MDFIC2: variants seen among roughly 807,000 people sequenced by gnomAD.
The protein encoded by MDFIC2 is MyoD family inhibitor domain containing 2, also known as myoD family inhibitor domain-containing protein 2.
chr3:70,213,203 G>A (rs1449993416), intron 2 of MDFIC2, among the ~76,000 whole-genome samples: 2 of 151,996 alleles, frequency 1.3e-5, no homozygotes, highest in South Asian at 2.1e-4. Context: ...GAGCTCCTGG[G>A]CTCAAGTGAT....
rs994841427 is a variant in MDFIC2 at position 70,216,474 on chromosome 3, G to A, written c.89-9684C>T. Among the ~76,000 whole-genome samples, 8 of 152,058 alleles carry A rather than the reference G, an allele frequency of 5.3e-5. No homozygotes were observed. The East Asian group carries it at 5.8e-4, about 11-fold the overall frequency. On this transcript the variant is annotated intron_variant, in intron 2 of 3. Transcript: ENST00000567252. Reference sequence around the variant, plus strand: ...TTTCACATGAGGACACAGAAAACGCGGGGATATCAAATAACTTACCCAGAG... The same window carrying A: ...TTTCACATGAGGACACAGAAAACGCAGGGATATCAAATAACTTACCCAGAG...
chr3:70,292,993 A>C (rs1447661200), intron 2 of MDFIC2, among the ~76,000 whole-genome samples: 1 of 150,806 alleles, frequency 6.6e-6, no homozygotes, highest in Non-Finnish European at 1.5e-5. Context: ...CAAAGAAATA[A>C]AGGCTATTTG....
intron 2 of MDFIC2, among the ~76,000 whole-genome samples, chr3:70,216,302 T>C (rs1701411925): frequency 6.6e-6 from 1 of 150,416 alleles, no homozygotes; most frequent in Non-Finnish European, 1.5e-5. Context: ...TGATTAATAC[T>C]ACATATTCTA....
At chr3:70,270,035 C>T (rs1162895232) in intron 2 of MDFIC2, among the ~76,000 whole-genome samples, 1 of 152,092 alleles carries the variant, frequency 6.6e-6, no homozygotes, top group African/African-American at 2.4e-5. Context: ...TAAATAAATC[C>T]ATGAGTTTAT....
intron 2 of MDFIC2, among the ~76,000 whole-genome samples, chr3:70,309,469 A>G (rs534851302): frequency 6.6e-6 from 1 of 152,310 alleles, no homozygotes; most frequent in East Asian, 1.9e-4. Flanking sequence ...ATGAAATCAC[A>G]TTCCCATAAT....
chr3:70,235,176 C>T (rs115708879), intron 2 of MDFIC2, among the ~76,000 whole-genome samples: 40 of 152,228 alleles, frequency 2.6e-4, no homozygotes, highest in African/African-American at 9.1e-4. Context: ...GGTTTACATC[C>T]CTATCTCTTT....
chr3:70,194,705 T>A lies in MDFIC2; in HGVS notation c.*2221A>T, dbSNP rs1701159140. On this transcript the variant is annotated 3_prime_UTR_variant, in exon 4 of 4. Coordinates refer to ENST00000567252, the MANE Select transcript of MDFIC2 (RefSeq NM_001364677.1). ...CTAATTGACAAGCATTCAATTCACA[T>A]TTGAAATGCACAATCTTTGCATAAT... 6.6e-6 allele frequency among the ~76,000 whole-genome samples: 1 copy of A among 152,162 alleles called. No homozygotes were observed. The highest frequency in any genetic ancestry group is 2.4e-5 in the African/African-American group (1 of 41,446).
At chr3:70,298,127 G>C (rs945082640) in intron 2 of MDFIC2, among the ~76,000 whole-genome samples, 4 of 152,044 alleles carry the variant, frequency 2.6e-5, no homozygotes, top group Non-Finnish European at 5.9e-5. Flanking sequence ...GACCAGATAA[G>C]GATATTTGAA....
At chr3:70,289,468 C>T (rs539862416) in intron 2 of MDFIC2, among the ~76,000 whole-genome samples, 4 of 149,550 alleles carry the variant, frequency 2.7e-5, no homozygotes, top group Non-Finnish European at 6.0e-5. Context: ...GGTAACCCAA[C>T]CTTTCTCTCT....
At chr3:70,221,680 G>T (rs1701461864) in intron 2 of MDFIC2, among the ~76,000 whole-genome samples, 2 of 152,136 alleles carry the variant, frequency 1.3e-5, no homozygotes, top group African/African-American at 4.8e-5. Context: ...GGTCAATGAT[G>T]CCAAGGTTCA....
At chr3:70,236,867 G>A (rs1412476732) in intron 2 of MDFIC2, among the ~76,000 whole-genome samples, 1 of 152,160 alleles carries the variant, frequency 6.6e-6, no homozygotes, top group Non-Finnish European at 1.5e-5. Flanking sequence ...AAGGTGTTAG[G>A]ATTTCAGGTA....
At chr3:70,215,426 A>T (rs1701399587) in intron 2 of MDFIC2, among the ~76,000 whole-genome samples, 1 of 152,122 alleles carries the variant, frequency 6.6e-6, no homozygotes, top group Admixed American at 6.6e-5. Flanking sequence ...TCTCCAGGTT[A>T]ATTGATCCTG....
At chr3:70,261,937 A>G (rs1202896841) in intron 2 of MDFIC2, among the ~76,000 whole-genome samples, 1 of 152,150 alleles carries the variant, frequency 6.6e-6, no homozygotes, top group Non-Finnish European at 1.5e-5. Context: ...GCCAAGTTTA[A>G]AGCCCTTGAA....
At chr3:70,301,844 C>T (rs1032648486) in intron 2 of MDFIC2, among the ~76,000 whole-genome samples, 4 of 151,958 alleles carry the variant, frequency 2.6e-5, no homozygotes, top group Non-Finnish European at 5.9e-5. Flanking sequence ...GTTTAATTTT[C>T]TATCTATAAT....
chr3:70,251,479 T>G (rs1251161802), intron 2 of MDFIC2, among the ~76,000 whole-genome samples: 1 of 152,184 alleles, frequency 6.6e-6, no homozygotes, highest in East Asian at 1.9e-4. Context: ...AATGTATTGG[T>G]CTACACTTTT....
intron 2 of MDFIC2, among the ~76,000 whole-genome samples, chr3:70,256,521 T>C (rs766102003): frequency 2.0e-4 from 30 of 152,338 alleles, no homozygotes; most frequent in Admixed American, 3.9e-4. Context: ...TTAAGTGCCA[T>C]GTATTGAAAC....
At chr3:70,272,862 A>G (rs1701987540) in intron 2 of MDFIC2, among the ~76,000 whole-genome samples, 1 of 152,246 alleles carries the variant, frequency 6.6e-6, no homozygotes, top group Non-Finnish European at 1.5e-5. Context: ...GGGAAATAAA[A>G]AAGAGATCAG....
At chr3:70,256,713 G>A (rs1701819901) in intron 2 of MDFIC2, among the ~76,000 whole-genome samples, 1 of 152,114 alleles carries the variant, frequency 6.6e-6, no homozygotes. Flanking sequence ...AGGGTCAGAT[G>A]GCATTACTGG....
Position 70,290,015 on chromosome 3 carries a change from G to A in MDFIC2, c.88+21871C>T, listed in dbSNP as rs960065019. Reference sequence around the variant, plus strand: ...TTGCCTTTGGTTTGAATGTCCTCCCGTAGCTCAGAGTAATTTGATCGTCTG... The same window carrying A: ...TTGCCTTTGGTTTGAATGTCCTCCCATAGCTCAGAGTAATTTGATCGTCTG... On this transcript the variant is annotated intron_variant, in intron 2 of 3. Transcript: ENST00000567252. Among the ~76,000 whole-genome samples the A allele has an allele frequency of 7.1e-4, 108 of 151,988 alleles. 2 individuals are homozygous for A. Among genetic ancestry groups the A allele is most frequent in the Middle Eastern group, 3.4e-3 (1 of 294 alleles).
Sources: gnomAD v4.1 joint callset for allele counts (sites outside exome capture counted in the v4.1 genomes callset) on GRCh38, gnomAD v4.1.1 for gene constraint, MANE v1.5 for transcripts, NCBI Gene and HGNC (gene_info 2026-07-23, HGNC 2026-07-21) for gene names.